The following TEX9 variants were observed in gnomAD, a reference collection of about 807,000 sequenced individuals.
TEX9 encodes the protein testis expressed 9, also known as testis-expressed protein 9.
A neutral mutation model predicts 59.6 loss-of-function variants in TEX9; 74 were observed. The observed-to-expected ratio is 1.24, with a 90% confidence interval of 1.03 to 1.51. The LOEUF is 1.51. Among genes scored for constraint, TEX9 ranks in the 40% most tolerant of loss-of-function variants. The probability of loss-of-function intolerance (pLI) is 0.00; values close to 1 mark genes in which losing one functional copy is unlikely to be tolerated. For missense variants in TEX9, 522 were observed against 447.8 expected (o/e 1.17, Z -1.49); for synonymous variants, 186 against 152.2 (o/e 1.22, Z -1.64).
intron 12 of TEX9, among the ~76,000 whole-genome samples, chr15:56,436,755 T>C (rs1211217467): frequency 6.6e-6 from 1 of 151,822 alleles, no homozygotes; most frequent in Admixed American, 6.6e-5. Context: ...ATAGACGCAA[T>C]AAAAAATGAT....
chr15:56,365,444 G>A, exon 1 of TEX9: 1 of 1,609,422 alleles, frequency 6.2e-7, no homozygotes, highest in Non-Finnish European at 8.5e-7. Flanking sequence ...CGTCGCAGTC[G>A]CCGAAGATGG....
chr15:56,427,841 C>A, intron 11 of TEX9, 102 bp downstream of exon 11: 1 of 863,840 alleles, frequency 1.2e-6, no homozygotes, highest in Non-Finnish European at 1.7e-6. Flanking sequence ...TCTTTACGCA[C>A]TGAACTTCAT....
intron 1 of TEX9, among the ~76,000 whole-genome samples, chr15:56,261,364 A>T (rs1295796921): frequency 6.6e-6 from 1 of 151,842 alleles, no homozygotes; most frequent in Non-Finnish European, 1.5e-5. Flanking sequence ...AATCATTGTG[A>T]ATTAAAAAAA....
intron 1 of TEX9, among the ~76,000 whole-genome samples, chr15:56,360,276 T>A (rs2046766308): frequency 6.6e-6 from 1 of 152,160 alleles, no homozygotes; most frequent in Admixed American, 6.5e-5. Flanking sequence ...CTGCCTTTAT[T>A]TTCCCAAAAA....
At position 56,321,138 on chromosome 15, in the gene TEX9, G is replaced by C. The variant is rs2045892151; in HGVS notation, c.-106-52303G>C. Among the ~76,000 whole-genome samples the C allele has an allele frequency of 2.0e-5, 3 of 152,284 alleles. No homozygotes were observed. In the South Asian group the frequency reaches 6.2e-4, roughly 32 times the overall value. On this transcript the variant is annotated intron_variant, in intron 1 of 5. Transcript: ENST00000560827. ...GCCACTGTGTGATTCATGGGTCAGA[G>C]TTCCTAGTAGATGCGAATGATTAGT...
chr15:56,390,239 A>C (rs1368526880), intron 6 of TEX9, among the ~76,000 whole-genome samples: 2 of 151,984 alleles, frequency 1.3e-5, no homozygotes, highest in Non-Finnish European at 2.9e-5. Context: ...TTTTTAAAAA[A>C]AGTTGATTTT....
intron 1 of TEX9, among the ~76,000 whole-genome samples, chr15:56,265,291 C>G (rs373508638): frequency 6.6e-6 from 1 of 151,576 alleles, no homozygotes; most frequent in Non-Finnish European, 1.5e-5. Flanking sequence ...TCAGCCTCCC[C>G]GAGTTGCTGA....
intron 1 of TEX9, among the ~76,000 whole-genome samples, chr15:56,253,546 C>T (rs2044076962): frequency 6.6e-6 from 1 of 152,098 alleles, no homozygotes; most frequent in African/African-American, 2.4e-5. Flanking sequence ...CTCAAAACCC[C>T]AAATAATATT....
rs765465546 is a variant in TEX9 at position 56,394,649 on chromosome 15, TTATAAC to T, written c.655-7_655-2del. ...ATATTTTTTCACATAATCTATAACT[TTATAAC>T]TATAGGAGGATGAAATTCAGAATTT... On this transcript the variant is annotated splice_region_variant and splice_polypyrimidine_tract_variant and intron_variant, in intron 8 of 12. Coordinates refer to ENST00000352903, the Ensembl canonical transcript of TEX9. The T allele has an allele frequency of 4.8e-5, 73 of 1,526,596 alleles. No individual in the cohort carries two copies. Among genetic ancestry groups the T allele is most frequent in the Middle Eastern group, 2.3e-4 (1 of 4,368 alleles). 94.6% of individuals were successfully genotyped at this position (1,526,596 alleles called of 1,614,324 possible).
chr15:56,427,587 T>C lies in TEX9; in HGVS notation c.964-18T>C, dbSNP rs795784. 80,429 of 1,452,592 alleles carry C rather than the reference T, an allele frequency of 0.055. 9,119 individuals carry two copies. Among genetic ancestry groups the C allele is most frequent in the East Asian group, 0.5 (19,558 of 38,934 alleles). 90.0% of individuals were successfully genotyped at this position (1,452,592 alleles called of 1,614,324 possible). A position where few individuals can be genotyped will look rare whatever the true frequency, so the allele number is the denominator to read the frequency against. On this transcript the variant is annotated intron_variant, in intron 10 of 12. Transcript: ENST00000352903. ...GCTGTATATTAAAAATATATGGCACTTTTTTTTCCTTGTGTAGGACATAGC... is the reference window on the plus strand; with the variant it reads ...GCTGTATATTAAAAATATATGGCACCTTTTTTTCCTTGTGTAGGACATAGC...
intron 10 of TEX9, among the ~76,000 whole-genome samples, chr15:56,423,721 A>G (rs1454907426): frequency 6.6e-6 from 1 of 152,030 alleles, no homozygotes; most frequent in Non-Finnish European, 1.5e-5. Context: ...GGCAACCACT[A>G]ATCTACTTCC....
At chr15:56,344,318 T>C (rs532719063) in intron 1 of TEX9, among the ~76,000 whole-genome samples, 2 of 152,226 alleles carry the variant, frequency 1.3e-5, no homozygotes, top group East Asian at 1.9e-4. Flanking sequence ...ATCTATATAA[T>C]GGAATATTAT....
At chr15:56,356,394 A>T (rs1473441659) in intron 1 of TEX9, among the ~76,000 whole-genome samples, 2 of 152,102 alleles carry the variant, frequency 1.3e-5, no homozygotes, top group African/African-American at 4.8e-5. Flanking sequence ...TAGGACCTTT[A>T]GATAAATTAT....
intron 12 of TEX9, among the ~76,000 whole-genome samples, chr15:56,439,833 C>T: frequency 6.7e-6 from 1 of 148,620 alleles, no homozygotes; most frequent in East Asian, 1.9e-4. Context: ...TCTTCAATAA[C>T]TAGGCGAAGA....
intron 1 of TEX9, among the ~76,000 whole-genome samples, chr15:56,254,304 C>G (rs1371873061): frequency 6.6e-6 from 1 of 151,982 alleles, no homozygotes; most frequent in Non-Finnish European, 1.5e-5. Flanking sequence ...ATGCTACAAG[C>G]TCAGAGAGAA....
intron 7 of TEX9, among the ~76,000 whole-genome samples, chr15:56,392,740 G>C (rs1160775830): frequency 6.6e-6 from 1 of 152,120 alleles, no homozygotes; most frequent in Non-Finnish European, 1.5e-5. Flanking sequence ...TATGGTAAGG[G>C]AAGGTAAATG....
Position 56,340,565 on chromosome 15 carries a change from G to A in TEX9, c.-106-32876G>A, listed in dbSNP as rs2141827678. On this transcript the variant is annotated intron_variant, in intron 1 of 5. Coordinates refer to the TEX9 transcript ENST00000560827. ...ATGAGAACTGGACAACAAGATCCTT[G>A]CCAGGGTGTTAAGTCCAATGTCATG... 2.6e-5 allele frequency among the ~76,000 whole-genome samples: 4 copies of A among 152,172 alleles called. No individual in the cohort carries two copies. The South Asian group carries it at 8.3e-4, about 32-fold the overall frequency.
chr15:56,382,897 T>A lies in TEX9; in HGVS notation c.184-1055T>A, dbSNP rs74015418. ...GGTTGGTGTTTTCCTAGGTCACAAT[T>A]GGTGTCTCCCTAGGTGCCAGCCTAG... On this transcript the variant is annotated intron_variant, in intron 3 of 12. Coordinates refer to ENST00000352903, the Ensembl canonical transcript of TEX9. Among the ~76,000 whole-genome samples, 802 of 152,272 alleles carry A rather than the reference T, an allele frequency of 5.3e-3. 18 individuals carry two copies. The highest frequency in any genetic ancestry group is 0.019 in the African/African-American group (779 of 41,542).
At chr15:56,267,691 C>T (rs2044420832) in intron 1 of TEX9, among the ~76,000 whole-genome samples, 1 of 152,116 alleles carries the variant, frequency 6.6e-6, no homozygotes, top group African/African-American at 2.4e-5. Flanking sequence ...ATCTCTATCT[C>T]TGTTTTGGTA....
Sources: allele counts gnomAD v4.1 joint callset (sites outside exome capture counted in the v4.1 genomes callset), GRCh38; gene constraint gnomAD v4.1.1; transcripts MANE v1.5; gene names NCBI Gene and HGNC (gene_info 2026-07-23, HGNC 2026-07-21).